The following XYLT1 variants were observed in gnomAD, a reference collection of about 807,000 sequenced individuals.
XYLT1 encodes beta-D-xylosyltransferase 1.
XYLT1 carries 36 observed loss-of-function variants against 91.3 expected under a neutral mutation model. The observed-to-expected ratio is 0.39, with a 90% CI of 0.30 to 0.52. The LOEUF (loss-of-function observed/expected upper bound fraction) is 0.52. Ranked by LOEUF, XYLT1 falls within the 20% of genes least tolerant of loss-of-function variation. XYLT1 has a pLI of 0.68. For synonymous variants in XYLT1, 588 were observed against 532.0 expected (o/e 1.11, Z -1.45); for missense variants, 1,242 against 1,284.5 (o/e 0.97, Z 0.51).
chr16:17,293,072 G>C (rs1435390959), intron 2 of XYLT1, among the ~76,000 whole-genome samples: 3 of 152,174 alleles, frequency 2.0e-5, no homozygotes, highest in African/African-American at 7.2e-5. Flanking sequence ...CAAAGAGAGT[G>C]GAGGTCCTAC....
chr16:17,110,194 A>T (rs1375513318), intron 11 of XYLT1, among the ~76,000 whole-genome samples: 1 of 152,168 alleles, frequency 6.6e-6, no homozygotes, highest in Non-Finnish European at 1.5e-5. Flanking sequence ...TCACTTTGTG[A>T]GGCTTAAGTG....
chr16:17,289,984 A>G (rs1419831146), intron 2 of XYLT1, among the ~76,000 whole-genome samples: 3 of 152,256 alleles, frequency 2.0e-5, no homozygotes, highest in African/African-American at 4.8e-5. Flanking sequence ...AAGGATATCT[A>G]TCTCATCCAA....
chr16:17,162,789 G>C (rs2031586940), intron 5 of XYLT1, among the ~76,000 whole-genome samples: 1 of 152,222 alleles, frequency 6.6e-6, no homozygotes, highest in Non-Finnish European at 1.5e-5. Flanking sequence ...TCCAGATGAT[G>C]CATGTGCTCT....
chr16:17,256,302 T>G (rs2033629592), intron 3 of XYLT1, among the ~76,000 whole-genome samples: 1 of 152,148 alleles, frequency 6.6e-6, no homozygotes, highest in Non-Finnish European at 1.5e-5. Context: ...CTGGGGGACC[T>G]GGCATAAGTC....
intron 1 of XYLT1, among the ~76,000 whole-genome samples, chr16:17,414,509 A>C (rs1305433837): frequency 6.6e-6 from 1 of 152,054 alleles, no homozygotes; most frequent in Non-Finnish European, 1.5e-5. Context: ...AGACATCTTT[A>C]TAAATTAAGA....
intron 1 of XYLT1, among the ~76,000 whole-genome samples, chr16:17,377,028 T>C (rs570412150): frequency 1.3e-4 from 19 of 151,472 alleles, no homozygotes; most frequent in African/African-American, 4.6e-4. Context: ...AATACAAAAA[T>C]TAGCCGGGCA....
intron 5 of XYLT1, among the ~76,000 whole-genome samples, chr16:17,167,657 C>T (rs541679740): frequency 1.7e-3 from 255 of 151,972 alleles, no homozygotes; most frequent in African/African-American, 6.0e-3. Flanking sequence ...ATCCTTCCAT[C>T]TCGTGAATGG....
intron 2 of XYLT1, among the ~76,000 whole-genome samples, chr16:17,295,123 T>C (rs1229009741): frequency 1.3e-5 from 2 of 152,038 alleles, no homozygotes; most frequent in Non-Finnish European, 2.9e-5. Context: ...AGACTCCCAG[T>C]GGGTAAGTGA....
At chr16:17,419,523 C>T (rs2036223392) in intron 1 of XYLT1, among the ~76,000 whole-genome samples, 1 of 152,162 alleles carries the variant, frequency 6.6e-6, no homozygotes, top group African/African-American at 2.4e-5. Context: ...CAGATTCGCC[C>T]ATCCCTGGTA....
intron 10 of XYLT1, among the ~76,000 whole-genome samples, chr16:17,121,265 G>A (rs1368163426): frequency 6.6e-6 from 1 of 152,136 alleles, no homozygotes; most frequent in Non-Finnish European, 1.5e-5. Flanking sequence ...CCCTGAAATC[G>A]AGTTTTAAAA....
intron 2 of XYLT1, among the ~76,000 whole-genome samples, chr16:17,304,664 T>C (rs1162168864): frequency 2.6e-5 from 4 of 152,188 alleles, no homozygotes; most frequent in Admixed American, 6.5e-5. Context: ...ATTTTTTTTT[T>C]CCCACAAAAA....
At chr16:17,209,494 C>G (rs1422997958) in intron 3 of XYLT1, among the ~76,000 whole-genome samples, 1 of 152,180 alleles carries the variant, frequency 6.6e-6, no homozygotes, top group Non-Finnish European at 1.5e-5. Flanking sequence ...GTCACTGTTT[C>G]AATTCTTTGG....
At chr16:17,464,489 CAAAAA>C (rs34575069) in intron 1 of XYLT1, among the ~76,000 whole-genome samples, 32 of 120,046 alleles carry the variant, frequency 2.7e-4, no homozygotes, top group Middle Eastern at 4.3e-3. Flanking sequence ...AAAACTGTCT[CAAAAA>C]AAAAAAAAAA....
rs56267931 is a variant in XYLT1, at chr16:17,285,874, C to CTGTGTGTG, written c.403-26384_403-26377dup. 6.4e-3 allele frequency among the ~76,000 whole-genome samples: 929 copies of CTGTGTGTG among 145,234 alleles called. 9 individuals are homozygous for CTGTGTGTG. The highest frequency in any genetic ancestry group is 0.011 in the Middle Eastern group (3 of 280). On this transcript the variant is annotated intron_variant, in intron 2 of 11. Transcript: ENST00000261381. ...GTCTAGCCCCAAACCTGGTGTATCT[C>CTGTGTGTG]TGTGTGTGTGTGTGTGTGTGTGTGT...
At chr16:17,357,088 A>G (rs1008452843) in intron 2 of XYLT1, among the ~76,000 whole-genome samples, 2 of 144,834 alleles carry the variant, frequency 1.4e-5, no homozygotes, top group Admixed American at 7.1e-5. Context: ...GAGACAGAAG[A>G]ATGGCGTGAA....
intron 9 of XYLT1, among the ~76,000 whole-genome samples, chr16:17,130,480 T>C (rs2030426730): frequency 6.6e-6 from 1 of 152,100 alleles, no homozygotes; most frequent in Non-Finnish European, 1.5e-5. Flanking sequence ...TCCCTTCACC[T>C]TCTTTATATT....
At chr16:17,239,728 T>G (rs868608486) in intron 3 of XYLT1, among the ~76,000 whole-genome samples, 28 of 149,862 alleles carry the variant, frequency 1.9e-4, no homozygotes, top group Middle Eastern at 3.6e-3. Context: ...CGAGTCTGTC[T>G]GTCCTTCCAT....
chr16:17,215,851 G>A (rs1028414374), intron 3 of XYLT1, among the ~76,000 whole-genome samples: 1 of 152,108 alleles, frequency 6.6e-6, no homozygotes, highest in African/African-American at 2.4e-5. Flanking sequence ...AGGATGGGCC[G>A]ACAGCAGAGG....
chr16:17,332,870 T>C lies in XYLT1; in HGVS notation c.402+25142A>G, dbSNP rs568676074. Reference sequence around the variant, plus strand: ...GTCTGTCCGCAGGAGCTCCGAATTCTGCAACCTCCGCCTTTCCGTGTGTAG... The same window carrying C: ...GTCTGTCCGCAGGAGCTCCGAATTCCGCAACCTCCGCCTTTCCGTGTGTAG... On this transcript the variant is annotated intron_variant, in intron 2 of 11. Transcript: ENST00000261381. 3.3e-5 allele frequency among the ~76,000 whole-genome samples: 5 copies of C among 152,184 alleles called. No homozygotes were observed. The South Asian group carries it at 8.3e-4, about 25-fold the overall frequency.
Sources: gnomAD v4.1 joint callset for allele counts (sites outside exome capture counted in the v4.1 genomes callset) on GRCh38, gnomAD v4.1.1 for gene constraint, MANE v1.5 for transcripts, NCBI Gene and HGNC (gene_info 2026-07-23, HGNC 2026-07-21) for gene names.